SLC36A4: variants seen among roughly 807,000 people sequenced by gnomAD.
SLC36A4 encodes the protein solute carrier family 36 member 4.
Under a neutral mutation model 50.5 loss-of-function variants are expected in SLC36A4, and 49 were observed. That is an observed-to-expected ratio of 0.97 (90% CI 0.77 to 1.23). The LOEUF (loss-of-function observed/expected upper bound fraction) is 1.23, where lower values mean the gene tolerates loss of function less well. Among genes scored for constraint, SLC36A4 ranks in the 50% most tolerant of loss-of-function variants. The pLI is 0.00. For missense variants in SLC36A4, 611 were observed against 608.4 expected, an observed-to-expected ratio of 1.00 and a Z score of -0.05; for synonymous variants, 207 against 206.5, an observed-to-expected ratio of 1.00 and a Z score of -0.02.
intron 7 of SLC36A4, chr11:93,166,256 C>T (rs770163893): frequency 8.3e-7 from 1 of 1,205,026 alleles, no homozygotes; most frequent in Non-Finnish European, 1.0e-6. Context: ...GCAAAATGCT[C>T]CTGATTACCT....
chr11:93,161,957 C>T (rs960227761), intron 9 of SLC36A4, among the ~76,000 whole-genome samples: 1 of 152,044 alleles, frequency 6.6e-6, no homozygotes, highest in African/African-American at 2.4e-5. Context: ...AGATGATGCA[C>T]CATTTTGTTT....
intron 9 of SLC36A4, among the ~76,000 whole-genome samples, chr11:93,157,801 T>C (rs1659307381): frequency 6.6e-6 from 1 of 152,200 alleles, no homozygotes; most frequent in Non-Finnish European, 1.5e-5. Context: ...TAGGATCATG[T>C]CATCTGAAAA....
intron 1 of SLC36A4, 28 bp downstream of exon 1, chr11:93,197,750 C>A: frequency 6.3e-7 from 1 of 1,584,198 alleles, no homozygotes; most frequent in Non-Finnish European, 8.5e-7. Context: ...ACGTCAGCCC[C>A]GGCTCCCTGC....
At chr11:93,197,395 G>C (rs959639955) in intron 1 of SLC36A4, 2 of 291,874 alleles carry the variant, frequency 6.9e-6, no homozygotes, top group Non-Finnish European at 6.5e-6. Context: ...ATTCCGAATG[G>C]GGCTGCAGCA....
chr11:93,151,707 A>G (rs376839903), intron 10 of SLC36A4, among the ~76,000 whole-genome samples: 6 of 152,106 alleles, frequency 3.9e-5, no homozygotes, highest in African/African-American at 1.4e-4. Flanking sequence ...ATAGATTATA[A>G]AAACAAGGAC....
chr11:93,168,287 A>T, intron 6 of SLC36A4, 116 bp from the exon 7 acceptor site: 1 of 487,988 alleles, frequency 2.0e-6, no homozygotes, highest in Non-Finnish European at 3.6e-6. Context: ...AATTCCTATG[A>T]TATATTTTAA....
chr11:93,186,131 G>T (rs1012937803), intron 1 of SLC36A4, among the ~76,000 whole-genome samples: 2 of 152,166 alleles, frequency 1.3e-5, no homozygotes, highest in South Asian at 4.1e-4. Flanking sequence ...GTAAAGAAAT[G>T]ATCAAATATA....
chr11:93,177,073 A>G (rs1191572659), intron 6 of SLC36A4, among the ~76,000 whole-genome samples: 3 of 152,076 alleles, frequency 2.0e-5, no homozygotes, highest in Non-Finnish European at 2.9e-5. Flanking sequence ...ATTCTCCCCA[A>G]CACTTTCAGG....
At chr11:93,163,010 A>G in intron 8 of SLC36A4, 135 bp from the exon 9 acceptor site, 1 of 647,680 alleles carries the variant, frequency 1.5e-6, no homozygotes, top group Non-Finnish European at 2.6e-6. Flanking sequence ...TAATTGTTGA[A>G]GTACACTTCC....
chr11:93,178,186 G>A (rs541629686), intron 6 of SLC36A4, among the ~76,000 whole-genome samples: 1 of 152,296 alleles, frequency 6.6e-6, no homozygotes, highest in African/African-American at 2.4e-5. Flanking sequence ...GTTGGCGTGG[G>A]ACCCTCTGAG....
At chr11:93,184,747 G>A (rs1413952402) in intron 2 of SLC36A4, among the ~76,000 whole-genome samples, 2 of 152,076 alleles carry the variant, frequency 1.3e-5, no homozygotes, top group African/African-American at 4.8e-5. Context: ...ATAGTTAAGT[G>A]AAATATCCGC....
At chr11:93,197,414 G>A (rs1485277367) in intron 1 of SLC36A4, 1 of 343,902 alleles carries the variant, frequency 2.9e-6, no homozygotes, top group East Asian at 6.5e-5. Context: ...CATTTGAAAA[G>A]CAGAACAATG....
rs574154962 is a variant in SLC36A4 at position 93,196,516 on chromosome 11, G to A, written c.55+1262C>T. Among the ~76,000 whole-genome samples, 9 of 152,194 alleles carry A rather than the reference G, an allele frequency of 5.9e-5. No homozygotes were observed. In the South Asian group the frequency reaches 8.3e-4, roughly 14 times the overall value. On this transcript the variant is annotated intron_variant, in intron 1 of 10. Transcript: ENST00000326402. ...CGAGTAGCTGGGACTACAGGCGCCC[G>A]CCACCACGCCCGGCTAATTTTTTGT...
chr11:93,149,153 T>G (rs992085399), intron 10 of SLC36A4, among the ~76,000 whole-genome samples: 3 of 152,086 alleles, frequency 2.0e-5, no homozygotes, highest in Non-Finnish European at 4.4e-5. Context: ...CCAGAGCATT[T>G]GCATTACTTT....
chr11:93,158,469 T>C (rs1860465620), intron 9 of SLC36A4, among the ~76,000 whole-genome samples: 1 of 152,104 alleles, frequency 6.6e-6, no homozygotes, highest in Non-Finnish European at 1.5e-5. Context: ...TATATGCAAA[T>C]ATTACTATTT....
chr11:93,167,850 G>A, intron 7 of SLC36A4, 94 bp downstream of exon 7: 3 of 717,784 alleles, frequency 4.2e-6, no homozygotes, highest in Admixed American at 2.6e-5. Flanking sequence ...ATGAAGTAGG[G>A]GTCTTTGCAT....
intron 7 of SLC36A4, chr11:93,166,264 C>T: frequency 1.7e-6 from 2 of 1,186,192 alleles, no homozygotes; most frequent in Non-Finnish European, 2.1e-6. Context: ...CTCCTGATTA[C>T]CTGCTTCCAC....
At chr11:93,159,871 G>A (rs1055243936) in intron 9 of SLC36A4, 23 of 985,186 alleles carry the variant, frequency 2.3e-5, no homozygotes, top group South Asian at 1.4e-4. Context: ...TATACTCTGA[G>A]ACTTTGCCAA....
chr11:93,155,354 T>C (rs1019480077), intron 9 of SLC36A4: 3 of 152,184 alleles, frequency 2.0e-5, no homozygotes, highest in Admixed American at 6.5e-5. Context: ...AGAGTTCTAC[T>C]TTCCCACCTA....
Sources: allele counts gnomAD v4.1 joint callset (sites outside exome capture counted in the v4.1 genomes callset), GRCh38; gene constraint gnomAD v4.1.1; transcripts MANE v1.5; gene names NCBI Gene and HGNC (gene_info 2026-07-23, HGNC 2026-07-21).